Variants in TEFM observed in about 807,000 individuals in gnomAD.
TEFM encodes transcription elongation factor of mitochondria.
A neutral mutation model predicts 23.0 loss-of-function variants in TEFM; 14 were observed. The observed-to-expected ratio is 0.61, with a 90% CI of 0.40 to 0.95. TEFM has a LOEUF of 0.95. Among genes scored for constraint, TEFM ranks in the 40% least tolerant of loss-of-function variants. TEFM has a pLI of 0.00. For missense variants in TEFM, 386 were observed against 425.5 expected (o/e 0.91, Z 0.82); for synonymous variants, 155 against 158.3 (o/e 0.98, Z 0.16).
Position 30,904,217 on chromosome 17 carries a change from A to G in TEFM, c.344T>C (p.Leu115Ser). 1 of 1,614,138 alleles carries G rather than the reference A, an allele frequency of 6.2e-7. No individual in the cohort carries two copies. The highest frequency in any genetic ancestry group is 1.1e-5 in the South Asian group (1 of 91,084). ...ATACTTAAACAAGGGCACATTCATT[A>G]AACTCTCTAAATTCTGAAATGGCCC... is the stretch of plus-strand genomic sequence containing the variant. ...NFGPFQNLESLMNVPLFKYKS... is the reference protein window; with the variant it reads ...NFGPFQNLESSMNVPLFKYKS... The change falls in exon 2 of 4, where the codon TTA becomes TCA. Residue 115 changes from leucine (L) to serine (S), a missense_variant. Leu to Ser is a moderately radical substitution (Grantham distance 145, BLOSUM62 -2). Coordinates refer to ENST00000581216, the MANE Select transcript of TEFM (RefSeq NM_024683.4).
At chr17:30,905,504 G>A (rs1441759474) in intron 1 of TEFM, among the ~76,000 whole-genome samples, 2 of 145,164 alleles carry the variant, frequency 1.4e-5, no homozygotes, top group Non-Finnish European at 3.0e-5. Context: ...TCGGCAACAA[G>A]AGCGAAACTC....
chr17:30,899,635 C>G (rs1909995980), intron 3 of TEFM, 29 bp from the exon 4 acceptor site: 1 of 1,424,704 alleles, frequency 7.0e-7, no homozygotes. Flanking sequence ...AATAAAGGAA[C>G]AGAAATAATT....
chr17:30,902,835 T>C (rs79002743), intron 2 of TEFM, among the ~76,000 whole-genome samples: 4,040 of 152,228 alleles, frequency 0.027, 193 homozygotes, highest in African/African-American at 0.092. Context: ...CATGAGTTCC[T>C]CTAAAGTTTA....
At chr17:30,901,836 T>C (rs949184614) in intron 2 of TEFM, among the ~76,000 whole-genome samples, 6 of 152,032 alleles carry the variant, frequency 3.9e-5, no homozygotes, top group Non-Finnish European at 7.4e-5. Flanking sequence ...CATGAGAAAG[T>C]GTTAAGAATT....
chr17:30,902,977 T>C (rs563822067), intron 2 of TEFM, among the ~76,000 whole-genome samples: 17 of 151,732 alleles, frequency 1.1e-4, no homozygotes, highest in African/African-American at 3.9e-4. Flanking sequence ...ACCTCATCTC[T>C]ACTAAAAATA....
rs1910110779 is a variant in TEFM, at chr17:30,904,077, CTCTT to C, written c.480_483del (p.Arg161LysfsTer28). The C allele has an allele frequency of 3.7e-6, 6 of 1,612,584 alleles. No homozygotes were observed. Among genetic ancestry groups the C allele is most frequent in the African/African-American group, 1.3e-5 (1 of 74,838 alleles). ...CATGAAGAATATACCTTAAGTCTTT[CTCTT>C]TCTATGTCTGGTTTGAGGAGCTTTC... On this transcript the variant is annotated frameshift_variant, in exon 2 of 4. Transcript: ENST00000581216. LOFTEE classifies it high-confidence loss of function.
rs375169654 is a variant in TEFM at position 30,904,077 on chromosome 17, C to T, written c.484G>A (p.Glu162Lys). The change falls in exon 2 of 4, where the codon GAA (glutamate) becomes AAA (lysine). Residue 162 changes from glutamate (E) to lysine (K), a missense_variant. Transcript: ENST00000581216. Reference protein sequence around the residue: ...RKLLKPDIERERLKAVNSIIS... With the variant: ...RKLLKPDIERKRLKAVNSIIS... ...CATGAAGAATATACCTTAAGTCTTTCTCTTTCTATGTCTGGTTTGAGGAGC... is the reference window on the plus strand; with the variant it reads ...CATGAAGAATATACCTTAAGTCTTTTTCTTTCTATGTCTGGTTTGAGGAGC... The T allele has an allele frequency of 6.2e-6, 10 of 1,612,702 alleles. No homozygotes were observed. The highest frequency in any genetic ancestry group is 7.6e-6 in the Non-Finnish European group (9 of 1,179,340).
intron 2 of TEFM, among the ~76,000 whole-genome samples, chr17:30,902,619 G>T (rs1567706093): frequency 1.3e-5 from 2 of 152,126 alleles, no homozygotes; most frequent in African/African-American, 2.4e-5. Flanking sequence ...TCCATGAGTG[G>T]ACTTAACAGA....
At position 30,906,230 on chromosome 17, in the gene TEFM, T is replaced by C. The variant is rs1910172756; in HGVS notation, c.-32A>G. ...GTTGAATCAGTAGGTCCAGTCTTCC[T>C]CCATTGACTTCCGGTTCCTGCGTGC... On this transcript the variant is annotated 5_prime_UTR_variant, in exon 1 of 4. Transcript: ENST00000581216. The C allele has an allele frequency of 6.2e-7, 1 of 1,614,072 alleles. No homozygotes were observed. The highest frequency in any genetic ancestry group is 1.3e-5 in the African/African-American group (1 of 74,938).
intron 2 of TEFM, among the ~76,000 whole-genome samples, chr17:30,903,851 C>T (rs1910099248): frequency 6.6e-6 from 1 of 152,100 alleles, no homozygotes; most frequent in South Asian, 2.1e-4. Context: ...TGAGTTCTTC[C>T]AGTAAACTTT....
At chr17:30,904,976 C>T (rs2142477637) in intron 1 of TEFM, among the ~76,000 whole-genome samples, 1 of 152,098 alleles carries the variant, frequency 6.6e-6, no homozygotes, top group South Asian at 2.1e-4. Flanking sequence ...CTGTGCCCGG[C>T]CCGAGAATCA....
At chr17:30,902,773 T>C in intron 2 of TEFM, among the ~76,000 whole-genome samples, 1 of 151,556 alleles carries the variant, frequency 6.6e-6, no homozygotes, top group Middle Eastern at 3.2e-3. Flanking sequence ...AGAAAAAAAA[T>C]GGTGCTTATG....
intron 3 of TEFM, 146 bp from the exon 4 acceptor site, chr17:30,899,752 T>C (rs1325661389): frequency 3.6e-6 from 2 of 551,404 alleles, no homozygotes; most frequent in Non-Finnish European, 5.8e-6. Flanking sequence ...GAAAAAGCCA[T>C]TTTATGAGCA....
rs1909987825 is a variant in TEFM at position 30,899,352 on chromosome 17, C to T, written c.900G>A (p.Val300=). The part of the protein sequence containing the change: ...GDSRTSGKEL[V]KQFLFDSILK... ...GTATAGAATCGAAGAGAAACTGCTT[C>T]ACTAGCTCTTTTCCACTAGTCCGGG... Residue 300 remains valine (V), a synonymous_variant, in exon 4 of 4, where the codon GTG becomes GTA. Transcript: ENST00000581216. 1 of 1,614,224 alleles carries T rather than the reference C, an allele frequency of 6.2e-7. No homozygotes were observed. The highest frequency in any genetic ancestry group is 8.5e-7 in the Non-Finnish European group (1 of 1,180,032).
intron 2 of TEFM, among the ~76,000 whole-genome samples, chr17:30,903,236 T>C (rs998935712): frequency 2.4e-4 from 36 of 149,902 alleles, no homozygotes; most frequent in Non-Finnish European, 4.3e-4. Flanking sequence ...GGTGTTTTTT[T>C]TTTTTTTTTG....
In TEFM at chr17:30,899,396, C is replaced by T. The variant is rs748277289; in HGVS notation, c.856G>A (p.Glu286Lys). 16 of 1,614,170 alleles carry T rather than the reference C, an allele frequency of 9.9e-6. No individual in the cohort carries two copies. The highest frequency in any genetic ancestry group is 1.4e-5 in the Non-Finnish European group (16 of 1,179,988). Reference protein sequence around the residue: ...MNRNAVGKHFELMIGDSRTSG... With the variant: ...MNRNAVGKHFKLMIGDSRTSG... ...GTCCGGGAGTCACCAATCATCAGTT[C>T]AAAATGCTTCCCCACTGCATTTCGA... Residue 286 changes from glutamate (E) to lysine (K), a missense_variant, in exon 4 of 4, where the codon GAA (glutamate) becomes AAA (lysine). Transcript: ENST00000581216.
rs1268945286 is a variant in TEFM at position 30,900,778 on chromosome 17, T to TTA, written c.496-217_496-216insTA. Among the ~76,000 whole-genome samples the TTA allele has an allele frequency of 2.7e-5, 4 of 146,374 alleles. 1 individual carries two copies. In the South Asian group the frequency reaches 6.4e-4, roughly 23 times the overall value. ...CACCACGCCCGGCTAATTTTTTTAT[T>TTA]TTTTTTTTTAGTAGAGATGGGGTTT... On this transcript the variant is annotated intron_variant, in intron 2 of 3. Coordinates refer to ENST00000581216, the MANE Select transcript of TEFM (RefSeq NM_024683.4).
At chr17:30,904,675 AATC>A (rs1372345987) in intron 1 of TEFM, 146 bp from the exon 2 acceptor site, 1 of 608,816 alleles carries the variant, frequency 1.6e-6, no homozygotes, top group Non-Finnish European at 2.7e-6. Context: ...TGTCTTGGAG[AATC>A]ATCTTTTTTT....
At chr17:30,904,736 G>C (rs1374709297) in intron 1 of TEFM, among the ~76,000 whole-genome samples, 6 of 149,904 alleles carry the variant, frequency 4.0e-5, no homozygotes, top group Non-Finnish European at 5.9e-5. Flanking sequence ...CTGGAGTGCA[G>C]TGGCCGATCT....
Sources: gnomAD v4.1 joint callset for allele counts (sites outside exome capture counted in the v4.1 genomes callset) on GRCh38, gnomAD v4.1.1 for gene constraint, MANE v1.5 for transcripts, NCBI Gene and HGNC (gene_info 2026-07-23, HGNC 2026-07-21) for gene names.